Variants in MORC4 observed in about 807,000 individuals in gnomAD.
MORC4 encodes MORC family CW-type zinc finger protein 4.
A neutral mutation model predicts 65.5 loss-of-function variants in MORC4; 22 were observed. That is an observed-to-expected ratio of 0.34 (90% CI 0.24 to 0.48). MORC4 has a LOEUF of 0.48. Ranked by LOEUF, MORC4 falls within the 20% of genes least tolerant of loss-of-function variation. MORC4 has a pLI of 0.99. For missense variants in MORC4, 624 were observed against 703.0 expected (o/e 0.89, Z 1.27); for synonymous variants, 267 against 255.8 (o/e 1.04, Z -0.42).
At chrX:106,968,642 CAAAAAAA>C (rs1194053588) in intron 9 of MORC4, among the ~76,000 whole-genome samples, 1 of 17,973 alleles carries the variant, frequency 5.6e-5, no homozygotes, top group Admixed American at 8.9e-4. Flanking sequence ...AAATGGAAAG[CAAAAAAA>C]AAAAAAAAAA....
intron 9 of MORC4, among the ~76,000 whole-genome samples, chrX:106,969,337 G>T (rs984019861): frequency 2.7e-5 from 3 of 111,975 alleles, no homozygotes; most frequent in African/African-American, 9.8e-5. Context: ...TCTGTAGAGG[G>T]AAATTTATAG....
chrX:106,974,933 G>T (rs1390963637), intron 9 of MORC4, among the ~76,000 whole-genome samples: 1 of 111,757 alleles, frequency 8.9e-6, no homozygotes, highest in African/African-American at 3.2e-5. Flanking sequence ...ACTGTACGCA[G>T]AATAGTATAC....
At position 106,978,214 on chromosome X, in the gene MORC4, G is replaced by GTT; in HGVS notation, c.937-17_937-16dup. On this transcript the variant is annotated splice_polypyrimidine_tract_variant and intron_variant, in intron 7 of 16. Coordinates refer to ENST00000355610, the MANE Select transcript of MORC4 (RefSeq NM_024657.5). ...ACCTGCTTATTCTGAGAAGAACATCGTTAAGGAGACAAACATACCAGGGGC... is the reference window on the plus strand; with the variant it reads ...ACCTGCTTATTCTGAGAAGAACATCGTTTTAAGGAGACAAACATACCAGGGGC... The GTT allele has an allele frequency of 8.4e-7, 1 of 1,193,450 alleles. No individual in the cohort carries two copies. The highest frequency in any genetic ancestry group is 1.1e-6 in the Non-Finnish European group (1 of 887,030).
chrX:106,951,012 A>AT (rs1426257195), intron 14 of MORC4, among the ~76,000 whole-genome samples: 1 of 111,426 alleles, frequency 9.0e-6, no homozygotes, highest in Non-Finnish European at 1.9e-5. Context: ...TTTTAAATAT[A>AT]TTTTTTCAAG....
intron 14 of MORC4, among the ~76,000 whole-genome samples, chrX:106,948,183 A>G (rs1933895169): frequency 9.0e-6 from 1 of 111,561 alleles, no homozygotes; most frequent in Admixed American, 9.5e-5. Context: ...AAGGAAGCCA[A>G]GAGAAGAAAG....
rs1225765945 is a variant in MORC4 at position 106,954,918 on chromosome X, A to T, written c.1680T>A (p.Phe560Leu). The change falls in exon 14 of 17, where the codon TTT becomes TTA. Residue 560 changes from phenylalanine to leucine, a missense_variant. Transcript: ENST00000355610. ...LKPLDSSVLQ[F>L]SSKYKWILGE... ...AGATCATGCTTTTTAGTCACCTGGA[A>T]AACTGTAAAACACTGGAATCCAGAG... 8.3e-7 allele frequency: 1 copy of T among 1,208,091 alleles called. No homozygotes were observed. The highest frequency in any genetic ancestry group is 1.7e-5 in the African/African-American group (1 of 57,684).
Position 106,962,100 on chromosome X carries a change from T to G in MORC4, c.1168A>C (p.Asn390His), listed in dbSNP as rs1377720151. 1.7e-6 allele frequency: 2 copies of G among 1,198,677 alleles called. No homozygotes were observed. The highest frequency in any genetic ancestry group is 5.9e-5 in the East Asian group (2 of 33,710). ...EYTKEYRLTI[N>H]ALAQKLNAYW... is the part of the protein sequence containing the mutation. ...GCATTGAGCTTCTGGGCAAGGGCAT[T>G]TATTGTTAGCCTGAAAGAAAATGCA... The change falls in exon 10 of 17, where the codon AAT becomes CAT. Residue 390 changes from asparagine (N) to histidine (H), a missense_variant. Asn to His is a moderately conservative substitution (Grantham distance 68). Coordinates refer to ENST00000355610, the MANE Select transcript of MORC4 (RefSeq NM_024657.5).
At chrX:106,980,325 C>T in intron 7 of MORC4, among the ~76,000 whole-genome samples, 1 of 110,739 alleles carries the variant, frequency 9.0e-6, no homozygotes, top group African/African-American at 3.3e-5. Flanking sequence ...TGAAAAGTAC[C>T]AGGAATTTAT....
intron 14 of MORC4, among the ~76,000 whole-genome samples, chrX:106,943,448 G>C (rs1255945043): frequency 9.0e-6 from 1 of 111,334 alleles, no homozygotes; most frequent in African/African-American, 3.3e-5. Context: ...AATAGGACTA[G>C]GTTGACCTTG....
chrX:106,956,461 G>A lies in MORC4; in HGVS notation c.1509+19C>T, dbSNP rs769528295. The A allele has an allele frequency of 8.5e-7, 1 of 1,169,625 alleles. No homozygotes were observed. The highest frequency in any genetic ancestry group is 1.2e-6 in the Non-Finnish European group (1 of 857,293). On this transcript the variant is annotated intron_variant, in intron 13 of 16. Coordinates refer to ENST00000355610, the MANE Select transcript of MORC4 (RefSeq NM_024657.5). ...GAAAATGTTGTGTGAGAACAATAAG[G>A]GTGTGCACTGCCTCTCACCTGGTGG...
chrX:106,954,052 C>T (rs768767737), intron 14 of MORC4, among the ~76,000 whole-genome samples: 22 of 112,624 alleles, frequency 2.0e-4, no homozygotes, highest in South Asian at 1.5e-3. Context: ...GAACCCGGGA[C>T]GGGGAGGTTG....
At chrX:106,949,607 T>C (rs1289061909) in intron 14 of MORC4, among the ~76,000 whole-genome samples, 1 of 112,712 alleles carries the variant, frequency 8.9e-6, no homozygotes, top group Non-Finnish European at 1.9e-5. Context: ...CCATTTCCCC[T>C]GTATTATGCA....
At chrX:106,969,415 A>C (rs1308264907) in intron 9 of MORC4, among the ~76,000 whole-genome samples, 1 of 112,000 alleles carries the variant, frequency 8.9e-6, no homozygotes, top group Non-Finnish European at 1.9e-5. Context: ...AATTAAAAGA[A>C]CTAGAGAAGC....
intron 9 of MORC4, among the ~76,000 whole-genome samples, chrX:106,963,830 A>G (rs1934309403): frequency 9.0e-6 from 1 of 110,626 alleles, no homozygotes; most frequent in African/African-American, 3.3e-5. Flanking sequence ...CTTTAAACTT[A>G]CTTCTCAGGT....
chrX:106,999,612 T>C, intron 2 of MORC4, 65 bp downstream of exon 2: 1 of 921,106 alleles, frequency 1.1e-6, no homozygotes, highest in Middle Eastern at 4.0e-4. Flanking sequence ...TCCTCTCGCG[T>C]CCGCGGCACC....
intron 9 of MORC4, among the ~76,000 whole-genome samples, chrX:106,965,891 A>C (rs1402225826): frequency 1.8e-5 from 2 of 112,181 alleles, no homozygotes; most frequent in African/African-American, 6.5e-5. Flanking sequence ...ATGTTATTGG[A>C]AAACTTGAGA....
At position 106,941,650 on chromosome X, in the gene MORC4, G is replaced by C; in HGVS notation, c.2661-18C>G. The C allele has an allele frequency of 8.3e-7, 1 of 1,202,174 alleles. No individual in the cohort carries two copies. The highest frequency in any genetic ancestry group is 1.1e-6 in the Non-Finnish European group (1 of 889,974). On this transcript the variant is annotated intron_variant, in intron 16 of 16. Transcript: ENST00000355610. The stretch of plus-strand genomic sequence containing the variant: ...CCAAAGCCCTGTATGAAGGAGTGAG[G>C]GGGCAGGAGAAGAGATGACATGAAG...
intron 9 of MORC4, among the ~76,000 whole-genome samples, chrX:106,966,301 A>C (rs1472314738): frequency 8.9e-6 from 1 of 112,404 alleles, no homozygotes; most frequent in Non-Finnish European, 1.9e-5. Flanking sequence ...CTCTTTGAAA[A>C]GATAAAGTGA....
chrX:106,967,628 T>A (rs747584502), intron 9 of MORC4, among the ~76,000 whole-genome samples: 1 of 112,294 alleles, frequency 8.9e-6, no homozygotes, highest in South Asian at 3.7e-4. Context: ...TTTAATGACC[T>A]GATAGAGCTA....
Sources: gnomAD v4.1 joint callset for allele counts (sites outside exome capture counted in the v4.1 genomes callset) on GRCh38, gnomAD v4.1.1 for gene constraint, MANE v1.5 for transcripts, NCBI Gene and HGNC (gene_info 2026-07-23, HGNC 2026-07-21) for gene names.